The following NCOA2 variants were observed in gnomAD, a reference collection of about 807,000 sequenced individuals.
NCOA2 encodes the protein nuclear receptor coactivator 2.
A neutral mutation model predicts 145.1 loss-of-function variants in NCOA2; 21 were observed. The observed-to-expected ratio is 0.14, with a 90% CI of 0.10 to 0.21. The LOEUF (loss-of-function observed/expected upper bound fraction) is 0.21, where lower values mean the gene tolerates loss of function less well. Among genes scored for constraint, NCOA2 ranks in the 10% least tolerant of loss-of-function variants. The probability of loss-of-function intolerance (pLI) is 1.00; values close to 1 mark genes in which losing one functional copy is unlikely to be tolerated. For missense variants in NCOA2, 1,472 were observed against 1,837.6 expected (o/e 0.80, Z 3.64); for synonymous variants, 619 against 637.5 (o/e 0.97, Z 0.44).
At chr8:70,375,677 G>C (rs1280880535) in intron 1 of NCOA2, among the ~76,000 whole-genome samples, 2 of 152,074 alleles carry the variant, frequency 1.3e-5, no homozygotes, top group African/African-American at 4.8e-5. Flanking sequence ...AGAAAATCGA[G>C]GTGAACCTGG....
intron 2 of NCOA2, among the ~76,000 whole-genome samples, chr8:70,266,129 G>A (rs1172239892): frequency 2.0e-5 from 3 of 152,316 alleles, no homozygotes; most frequent in African/African-American, 4.8e-5. Flanking sequence ...CAGCCTGGGT[G>A]ACAGAGTGAG....
intron 11 of NCOA2, among the ~76,000 whole-genome samples, chr8:70,153,310 T>G (rs1015036941): frequency 6.6e-6 from 1 of 152,182 alleles, no homozygotes; most frequent in Non-Finnish European, 1.5e-5. Context: ...TCTGTGCTGA[T>G]TACACTCTGG....
chr8:70,333,551 C>T (rs976927515), intron 1 of NCOA2, among the ~76,000 whole-genome samples: 7 of 152,206 alleles, frequency 4.6e-5, no homozygotes, highest in African/African-American at 1.4e-4. Context: ...GAATACACAT[C>T]AGCAGCAAAA....
At chr8:70,299,004 G>A (rs1827292515) in intron 1 of NCOA2, among the ~76,000 whole-genome samples, 1 of 152,088 alleles carries the variant, frequency 6.6e-6, no homozygotes, top group Admixed American at 6.5e-5. Context: ...AGCTTGCAGT[G>A]AGCCGAGATC....
upstream of NCOA2, among the ~76,000 whole-genome samples, chr8:70,405,437 G>GTTTT (rs34814735): frequency 0.021 from 1,275 of 59,392 alleles, 265 homozygotes; most frequent in East Asian, 0.025. Context: ...ATTTTTAAAG[G>GTTTT]TTTTTTTTTT....
At chr8:70,190,034 C>T (rs1451773331) in intron 4 of NCOA2, among the ~76,000 whole-genome samples, 4 of 152,112 alleles carry the variant, frequency 2.6e-5, no homozygotes, top group African/African-American at 9.7e-5. Context: ...TCCATCAACA[C>T]ACCAGGAACA....
intron 10 of NCOA2, 143 bp from the exon 11 acceptor site, chr8:70,157,383 T>A: frequency 1.2e-6 from 1 of 803,176 alleles, no homozygotes; most frequent in Non-Finnish European, 1.9e-6. Context: ...GTTGAAATCA[T>A]CTGCAATTAT....
intron 1 of NCOA2, among the ~76,000 whole-genome samples, chr8:70,298,868 C>T (rs923561382): frequency 3.3e-5 from 5 of 151,922 alleles, no homozygotes; most frequent in East Asian, 1.9e-4. Flanking sequence ...AAGACCATCC[C>T]GGCTAACACG....
At chr8:70,399,692 C>T (rs907396415) in intron 1 of NCOA2, among the ~76,000 whole-genome samples, 2 of 152,224 alleles carry the variant, frequency 1.3e-5, no homozygotes, top group Non-Finnish European at 2.9e-5. Context: ...TTAAATATAA[C>T]TTCGATCATG....
Position 70,163,495 on chromosome 8 carries a change from C to T in NCOA2, c.802G>A (p.Glu268Lys). 1 of 1,613,912 alleles carries T rather than the reference C, an allele frequency of 6.2e-7. No individual in the cohort carries two copies. The highest frequency in any genetic ancestry group is 8.5e-7 in the Non-Finnish European group (1 of 1,179,820). ...MKERPVLPSS[E>K]SFTTRQDLQG... ...AGATCCTGGCGAGTAGTAAAACTTT[C>T]TGATGAGGGAAGAACTGGTCTTTCC... Residue 268 changes from glutamate (E) to lysine (K), a missense_variant, in exon 8 of 23, where the codon GAA becomes AAA. By Grantham distance (56) the Glu-to-Lys change is moderately conservative (BLOSUM62 1). Around this residue, in one of 4 missense-constraint regions of NCOA2, gnomAD observed 284 missense variants for 467.8 expected, o/e 0.61. Transcript: ENST00000452400.
At chr8:70,175,005 C>G in intron 4 of NCOA2, 146 bp from the exon 5 acceptor site, 1 of 688,194 alleles carries the variant, frequency 1.5e-6, no homozygotes, top group Non-Finnish European at 2.5e-6. Context: ...CCTGTTGCCC[C>G]TAAATGGGAG....
chr8:70,182,384 T>C (rs1379177402), intron 4 of NCOA2, among the ~76,000 whole-genome samples: 5 of 152,206 alleles, frequency 3.3e-5, no homozygotes, highest in African/African-American at 1.2e-4. Flanking sequence ...GCAACATATT[T>C]GGCTTCATTT....
At chr8:70,365,003 T>C (rs74783055) in intron 1 of NCOA2, among the ~76,000 whole-genome samples, 15,914 of 152,084 alleles carry the variant, frequency 0.1, 1,255 homozygotes, top group East Asian at 0.4. Flanking sequence ...ATATATTCAC[T>C]TCAATCCAAT....
At chr8:70,377,617 T>A (rs1811798097) in intron 1 of NCOA2, among the ~76,000 whole-genome samples, 1 of 152,190 alleles carries the variant, frequency 6.6e-6, no homozygotes, top group African/African-American at 2.4e-5. Flanking sequence ...TGCTACTGCC[T>A]GATGATCTGG....
At chr8:70,398,599 G>A (rs745456584) in intron 1 of NCOA2, among the ~76,000 whole-genome samples, 22 of 152,176 alleles carry the variant, frequency 1.4e-4, no homozygotes, top group African/African-American at 4.3e-4. Context: ...AATTCTCCAC[G>A]TTATCTGTCA....
chr8:70,170,215 C>G lies in NCOA2; in HGVS notation c.528G>C (p.Leu176=). Residue 176 remains leucine, a synonymous_variant, in exon 6 of 23, where the codon CTG becomes CTC. Transcript: ENST00000452400. ...GDHTEFVKNL[L]PKSIVNGGSW... The stretch of plus-strand genomic sequence containing the variant: ...GCAGACATTTACCTATAGACTTTGG[C>G]AGCAGGTTTTTGACAAATTCCGTGT... The G allele has an allele frequency of 6.2e-7, 1 of 1,613,222 alleles. No homozygotes were observed. The highest frequency in any genetic ancestry group is 1.7e-4 in the Middle Eastern group (1 of 6,060).
At chr8:70,219,629 T>C (rs1026030672) in intron 2 of NCOA2, among the ~76,000 whole-genome samples, 3 of 150,792 alleles carry the variant, frequency 2.0e-5, no homozygotes, top group Non-Finnish European at 4.4e-5. Context: ...GAGACAGACC[T>C]GAGACCAAAA....
At chr8:70,382,106 C>A (rs1812243555) in intron 1 of NCOA2, among the ~76,000 whole-genome samples, 1 of 151,962 alleles carries the variant, frequency 6.6e-6, no homozygotes, top group Non-Finnish European at 1.5e-5. Flanking sequence ...AGCATAAAAC[C>A]TAAATACATA....
chr8:70,297,319 T>A (rs1446449447), intron 1 of NCOA2, among the ~76,000 whole-genome samples: 1 of 152,160 alleles, frequency 6.6e-6, no homozygotes, highest in Non-Finnish European at 1.5e-5. Context: ...TAATTTCTTA[T>A]CTCAAGAATT....
Sources: allele counts gnomAD v4.1 joint callset (sites outside exome capture counted in the v4.1 genomes callset), GRCh38; gene constraint gnomAD v4.1.1; regional missense constraint gnomAD v4.1.1; transcripts MANE v1.5; gene names NCBI Gene and HGNC (gene_info 2026-07-23, HGNC 2026-07-21).